Variants in DOCK5 observed in about 807,000 individuals in gnomAD.
DOCK5 encodes dedicator of cytokinesis 5.
Under a neutral mutation model 251.8 loss-of-function variants are expected in DOCK5, and 142 were observed. That is an observed-to-expected ratio of 0.56 (90% CI 0.49 to 0.65). The LOEUF is 0.65. Ranked by LOEUF, DOCK5 falls within the 30% of genes least tolerant of loss-of-function variation. The probability of loss-of-function intolerance (pLI) is 0.00; values close to 1 mark genes in which losing one functional copy is unlikely to be tolerated. For synonymous variants in DOCK5, 842 were observed against 835.5 expected, an observed-to-expected ratio of 1.01 and a Z score of -0.13; for missense variants, 2,111 against 2,312.3, an observed-to-expected ratio of 0.91 and a Z score of 1.79.
chr8:25,286,961 A>G (rs1804351608), intron 5 of DOCK5, among the ~76,000 whole-genome samples: 1 of 152,190 alleles, frequency 6.6e-6, no homozygotes, highest in Non-Finnish European at 1.5e-5. Flanking sequence ...GATTATAGGC[A>G]TGAACCATTC....
In DOCK5 at chr8:25,372,450, G is replaced by A. The variant is rs542786827; in HGVS notation, c.3525-109G>A. On this transcript the variant is annotated intron_variant, in intron 34 of 51. Transcript: ENST00000276440. Reference sequence around the variant, plus strand: ...TTAATATCTAACATTGACGTTCTGTGTCATCAAATCCTGCCCCAGCCACTG... The same window carrying A: ...TTAATATCTAACATTGACGTTCTGTATCATCAAATCCTGCCCCAGCCACTG... The A allele has an allele frequency of 1.6e-5, 18 of 1,145,812 alleles. 1 individual carries two copies. In the African/African-American group the frequency reaches 2.6e-4, roughly 16 times the overall value. 71.0% of individuals were successfully genotyped at this position (1,145,812 alleles called of 1,614,324 possible).
intron 45 of DOCK5, among the ~76,000 whole-genome samples, chr8:25,397,968 C>G (rs915575821): frequency 6.6e-6 from 1 of 152,160 alleles, no homozygotes; most frequent in Non-Finnish European, 1.5e-5. Context: ...TGATGTATTG[C>G]AATCAGTGGG....
At chr8:25,351,853 G>A (rs771641169) in intron 27 of DOCK5, 27 bp downstream of exon 27, 44 of 1,597,178 alleles carry the variant, frequency 2.8e-5, no homozygotes, top group East Asian at 4.5e-5. Context: ...TGGATCCCAC[G>A]GCCGCTGCTG....
chr8:25,190,985 C>T (rs532557213), intron 1 of DOCK5, among the ~76,000 whole-genome samples: 22 of 151,836 alleles, frequency 1.4e-4, no homozygotes, highest in African/African-American at 4.1e-4. Flanking sequence ...AGGGTTTCAC[C>T]GTGTTAGCCA....
At chr8:25,304,402 AG>A in intron 11 of DOCK5, 75 bp downstream of exon 11, 2 of 1,292,584 alleles carry the variant, frequency 1.5e-6, no homozygotes, top group Non-Finnish European at 2.1e-6. Context: ...ACACAGAAAC[AG>A]GTGTTAGAAA....
At chr8:25,372,409 G>A (rs575812845) in intron 34 of DOCK5, 150 bp from the exon 35 acceptor site, 22 of 689,076 alleles carry the variant, frequency 3.2e-5, no homozygotes, top group African/African-American at 3.0e-4. Context: ...TGTGTGTGTC[G>A]GCTTAACTGT....
chr8:25,245,562 T>C (rs547030597), intron 2 of DOCK5, among the ~76,000 whole-genome samples: 1 of 147,034 alleles, frequency 6.8e-6, no homozygotes, highest in Admixed American at 6.7e-5. Flanking sequence ...TTTTTTGAGA[T>C]GGAGTCTCAT....
At chr8:25,367,799 A>G (rs760157233) in intron 31 of DOCK5, among the ~76,000 whole-genome samples, 23 of 152,206 alleles carry the variant, frequency 1.5e-4, no homozygotes, top group Non-Finnish European at 2.9e-4. Context: ...CCCCAATATC[A>G]GTCTATAAAG....
rs56290534 is a variant in DOCK5 at position 25,319,743 on chromosome 8, A to AC, written c.1542+72dup. On this transcript the variant is annotated intron_variant, in intron 15 of 51. Coordinates refer to ENST00000276440, the MANE Select transcript of DOCK5 (RefSeq NM_024940.8). The stretch of plus-strand genomic sequence containing the variant: ...TCAGTTAGATTCCTATCTTCTGTTT[A>AC]CCCCCAAATTATTCCTACTTTATTT... The AC allele has an allele frequency of 2.5e-6, 3 of 1,197,806 alleles. No individual in the cohort carries two copies. In the African/African-American group the frequency reaches 4.6e-5, roughly 19 times the overall value. The allele number at this position is 1,197,806 out of a possible 1,614,324, so 74.2% of individuals were successfully genotyped here.
chr8:25,188,732 T>C (rs1363803026), intron 1 of DOCK5, among the ~76,000 whole-genome samples: 3 of 152,334 alleles, frequency 2.0e-5, no homozygotes, highest in Middle Eastern at 3.4e-3. Context: ...TTTAAACTTA[T>C]GGTGCTCTAG....
At chr8:25,407,962 G>T in intron 48 of DOCK5, 21 bp from the exon 49 acceptor site, 1 of 1,602,968 alleles carries the variant, frequency 6.2e-7, no homozygotes, top group Non-Finnish European at 8.5e-7. Flanking sequence ...TGTGATGTTT[G>T]TCCTTGTTCC....
intron 18 of DOCK5, among the ~76,000 whole-genome samples, chr8:25,326,359 G>A (rs144717454): frequency 6.6e-6 from 1 of 152,272 alleles, no homozygotes; most frequent in African/African-American, 2.4e-5. Context: ...TAGTTATAGG[G>A]TAAACCCAGG....
intron 28 of DOCK5, among the ~76,000 whole-genome samples, chr8:25,360,830 T>G (rs1800664697): frequency 6.6e-6 from 1 of 152,152 alleles, no homozygotes; most frequent in African/African-American, 2.4e-5. Context: ...TAGGGAGGTT[T>G]TAAGGTCAAA....
intron 5 of DOCK5, among the ~76,000 whole-genome samples, chr8:25,288,399 C>A (rs148749199): frequency 1.9e-3 from 282 of 152,268 alleles, no homozygotes; most frequent in African/African-American, 6.5e-3. Context: ...ATTCACTTGG[C>A]ACAGTATATC....
At position 25,224,140 on chromosome 8, in the gene DOCK5, A is replaced by T. The variant is rs566866899; in HGVS notation, c.44-19534A>T. Among the ~76,000 whole-genome samples the T allele has an allele frequency of 2.6e-5, 4 of 152,072 alleles. No homozygotes were observed. In the South Asian group the frequency reaches 8.3e-4, roughly 32 times the overall value. On this transcript the variant is annotated intron_variant, in intron 1 of 51. Coordinates refer to ENST00000276440, the MANE Select transcript of DOCK5 (RefSeq NM_024940.8). The stretch of plus-strand genomic sequence containing the variant: ...TTGTTTTTTGTTTTCTTTTTCTGAG[A>T]CAGAGTCTTGCTCTCTTGCCCAGGC...
At chr8:25,317,357 A>G in intron 14 of DOCK5, 1 of 431,816 alleles carries the variant, frequency 2.3e-6, no homozygotes, top group East Asian at 3.9e-5. Flanking sequence ...TGTGCTAAGA[A>G]ATAGCTCCAG....
At chr8:25,194,338 A>G (rs952433096) in intron 1 of DOCK5, among the ~76,000 whole-genome samples, 1 of 152,006 alleles carries the variant, frequency 6.6e-6, no homozygotes, top group Non-Finnish European at 1.5e-5. Context: ...TCCTTTCCCC[A>G]TGTGTTTGTT....
At position 25,369,658 on chromosome 8, in the gene DOCK5, C is replaced by G; in HGVS notation, c.3524+17C>G. 1 of 1,589,864 alleles carries G rather than the reference C, an allele frequency of 6.3e-7. No homozygotes were observed. ...GGAAAAACTGTGAGTATTTCAGGAA[C>G]GAAACCTGAAGTCAGTGGTGTCATT... On this transcript the variant is annotated intron_variant, in intron 34 of 51. Coordinates refer to ENST00000276440, the MANE Select transcript of DOCK5 (RefSeq NM_024940.8).
At chr8:25,400,039 G>C (rs1563231455) in intron 46 of DOCK5, 45 bp downstream of exon 46, 4 of 1,487,454 alleles carry the variant, frequency 2.7e-6, no homozygotes, top group Admixed American at 1.7e-5. Flanking sequence ...GCCACAGTGT[G>C]GGACACCCAT....
Sources: allele counts gnomAD v4.1 joint callset (sites outside exome capture counted in the v4.1 genomes callset), GRCh38; gene constraint gnomAD v4.1.1; transcripts MANE v1.5; gene names NCBI Gene and HGNC (gene_info 2026-07-23, HGNC 2026-07-21).